The following SNCAIP variants were observed in gnomAD, a reference collection of about 807,000 sequenced individuals.
The protein encoded by SNCAIP is synphilin-1.
SNCAIP carries 43 observed loss-of-function variants against 86.7 expected under a neutral mutation model. The ratio of observed to expected loss-of-function variants is 0.50; its 90% CI spans 0.39 to 0.64. The LOEUF (loss-of-function observed/expected upper bound fraction) is 0.64, where lower values mean the gene tolerates loss of function less well. Among genes scored for constraint, SNCAIP ranks in the 30% least tolerant of loss-of-function variants. The pLI, the probability that SNCAIP is intolerant of heterozygous loss-of-function variation, is 0.00. For missense variants in SNCAIP, 981 were observed against 1,103.1 expected (o/e 0.89, Z 1.57); for synonymous variants, 417 against 427.2 (o/e 0.98, Z 0.29).
chr5:122,414,490 A>G (rs1388409128), intron 3 of SNCAIP, among the ~76,000 whole-genome samples: 2 of 152,114 alleles, frequency 1.3e-5, no homozygotes, highest in African/African-American at 2.4e-5. Context: ...CTTAGCCTCC[A>G]AAGTGCTGGA....
At position 122,338,379 on chromosome 5, in the gene SNCAIP, A is replaced by T. The variant is rs1182132564; in HGVS notation, c.-47+26095A>T. 2.6e-5 allele frequency among the ~76,000 whole-genome samples: 4 copies of T among 152,214 alleles called. No homozygotes were observed. The East Asian group carries it at 7.7e-4, about 29-fold the overall frequency. On this transcript the variant is annotated intron_variant, in intron 1 of 10. Transcript: ENST00000261368. The stretch of plus-strand genomic sequence containing the variant: ...TGCATGTGTGTTCATTAACAACCAC[A>T]AGTCAGTCAGCTTAAAAATTCATGC...
At position 122,452,985 on chromosome 5, in the gene SNCAIP, A is replaced by C. The variant is rs948016236; in HGVS notation, c.2754+1384A>C. ...CATGCTGATTGAAGAGCATCTGTGT[A>C]ACGACACACGGTACGTGGTGCTAGG... On this transcript the variant is annotated intron_variant, in intron 10 of 10. Transcript: ENST00000261368. 2.6e-6 allele frequency: 4 copies of C among 1,544,644 alleles called. No homozygotes were observed. The Admixed American group carries it at 7.8e-5, about 30-fold the overall frequency.
At chr5:122,441,893 C>G (rs1490310043) in intron 7 of SNCAIP, among the ~76,000 whole-genome samples, 2 of 152,042 alleles carry the variant, frequency 1.3e-5, no homozygotes, top group Non-Finnish European at 2.9e-5. Flanking sequence ...TCATTATTAC[C>G]AGAATCAGAC....
At chr5:122,452,036 C>T (rs1366371556) in intron 10 of SNCAIP, among the ~76,000 whole-genome samples, 1 of 152,210 alleles carries the variant, frequency 6.6e-6, no homozygotes. Context: ...TTAAAAAGTA[C>T]ATAAATAGAT....
chr5:122,340,859 C>T (rs1757439666), intron 1 of SNCAIP, among the ~76,000 whole-genome samples: 1 of 152,180 alleles, frequency 6.6e-6, no homozygotes, highest in African/African-American at 2.4e-5. Flanking sequence ...AGGCACTTGC[C>T]GATGGTCAGT....
intron 1 of SNCAIP, among the ~76,000 whole-genome samples, chr5:122,328,580 CT>C (rs909317009): frequency 5.0e-4 from 76 of 152,086 alleles, no homozygotes; most frequent in African/African-American, 1.7e-3. Flanking sequence ...CTTGTAGTAT[CT>C]TTTTTTTGGA....
chr5:122,342,704 A>C (rs1310940077), intron 1 of SNCAIP, among the ~76,000 whole-genome samples: 1 of 152,160 alleles, frequency 6.6e-6, no homozygotes, highest in East Asian at 1.9e-4. Flanking sequence ...TCTGGCTCCA[A>C]AGCCCATGTC....
rs926842859 is a variant in SNCAIP at position 122,455,930 on chromosome 5, C to A, written c.2754+4329C>A. ...GCAGATTTATCTTTACTTTATCTTA[C>A]AAAAGACAAGTTGTTTTTAAGTTAT... On this transcript the variant is annotated intron_variant, in intron 10 of 10. Coordinates refer to ENST00000261368, the MANE Select transcript of SNCAIP (RefSeq NM_005460.4). Among the ~76,000 whole-genome samples the A allele has an allele frequency of 1.6e-4, 25 of 152,196 alleles. 1 individual carries two copies. Among genetic ancestry groups the A allele is most frequent in the African/African-American group, 6.0e-4 (25 of 41,452 alleles).
rs184314450 is a variant in SNCAIP, at chr5:122,328,399, G to T, written c.-47+16115G>T. Among the ~76,000 whole-genome samples, 369 of 152,244 alleles carry T rather than the reference G, an allele frequency of 2.4e-3. 2 individuals carry two copies. Among genetic ancestry groups the T allele is most frequent in the Non-Finnish European group, 3.0e-3 (202 of 68,028 alleles). On this transcript the variant is annotated intron_variant, in intron 1 of 10. Coordinates refer to ENST00000261368, the MANE Select transcript of SNCAIP (RefSeq NM_005460.4). The stretch of plus-strand genomic sequence containing the variant: ...ACCTTCCCTTCAAAATCTTGGCTCT[G>T]TCCAAATTTCCTAGTTTGGTGAATA...
chr5:122,325,986 T>G (rs567903112), intron 1 of SNCAIP, among the ~76,000 whole-genome samples: 12 of 152,166 alleles, frequency 7.9e-5, no homozygotes, highest in Non-Finnish European at 1.8e-4. Flanking sequence ...GCTTCAAAGT[T>G]AAGTAAATTA....
chr5:122,313,871 G>A (rs1315585608), intron 1 of SNCAIP, among the ~76,000 whole-genome samples: 2 of 152,196 alleles, frequency 1.3e-5, no homozygotes, highest in African/African-American at 4.8e-5. Context: ...AAAAGATAGT[G>A]CTTCTCTTAA....
intron 1 of SNCAIP, among the ~76,000 whole-genome samples, chr5:122,366,142 A>G (rs1763143163): frequency 6.6e-6 from 1 of 152,216 alleles, no homozygotes; most frequent in South Asian, 2.1e-4. Context: ...GAAAGAGCTG[A>G]GCCACCAAAC....
At chr5:122,337,213 A>G (rs1561534533) in intron 1 of SNCAIP, among the ~76,000 whole-genome samples, 1 of 152,230 alleles carries the variant, frequency 6.6e-6, no homozygotes, top group Non-Finnish European at 1.5e-5. Flanking sequence ...CAACCTTTCA[A>G]TGATCCTACG....
chr5:122,367,478 TTC>T (rs1763412936), intron 1 of SNCAIP, among the ~76,000 whole-genome samples: 1 of 152,112 alleles, frequency 6.6e-6, no homozygotes, highest in African/African-American at 2.4e-5. Flanking sequence ...TGGGATGGGT[TTC>T]ATTTGCAGGG....
intron 1 of SNCAIP, among the ~76,000 whole-genome samples, chr5:122,376,895 A>G (rs749851682): frequency 3.9e-5 from 6 of 152,054 alleles, no homozygotes; most frequent in Non-Finnish European, 5.9e-5. Context: ...ACTACGCAAA[A>G]TCTTTTCAGC....
At chr5:122,441,462 C>G (rs900894260) in intron 7 of SNCAIP, among the ~76,000 whole-genome samples, 1 of 152,166 alleles carries the variant, frequency 6.6e-6, no homozygotes, top group Non-Finnish European at 1.5e-5. Context: ...AGTTGGGGAG[C>G]TGAGCCACAG....
rs562821846 is a variant in SNCAIP at position 122,340,588 on chromosome 5, A to C, written c.-47+28304A>C. Among the ~76,000 whole-genome samples, 76 of 152,316 alleles carry C rather than the reference A, an allele frequency of 5.0e-4. 1 individual carries two copies. Among genetic ancestry groups the C allele is most frequent in the Middle Eastern group, 3.4e-3 (1 of 294 alleles). ...GAGTAGTGTCAATACCTTGAAGCAA[A>C]CGAATATTTTTCAAAATATTTACAG... On this transcript the variant is annotated intron_variant, in intron 1 of 10. Coordinates refer to ENST00000261368, the MANE Select transcript of SNCAIP (RefSeq NM_005460.4).
chr5:122,454,184 G>T (rs1784263343), intron 10 of SNCAIP, among the ~76,000 whole-genome samples: 2 of 152,240 alleles, frequency 1.3e-5, no homozygotes, highest in African/African-American at 4.8e-5. Flanking sequence ...TGGTGTGGAT[G>T]TATTTGTGTG....
chr5:122,338,297 G>T (rs1298514989), intron 1 of SNCAIP, among the ~76,000 whole-genome samples: 1 of 152,186 alleles, frequency 6.6e-6, no homozygotes, highest in Non-Finnish European at 1.5e-5. Context: ...AATGCAGATA[G>T]AGGGATGTAG....
Sources: gnomAD v4.1 joint callset for allele counts (sites outside exome capture counted in the v4.1 genomes callset) on GRCh38, gnomAD v4.1.1 for gene constraint, MANE v1.5 for transcripts, NCBI Gene and HGNC (gene_info 2026-07-23, HGNC 2026-07-21) for gene names.